Variants in ANKS1B observed in about 807,000 individuals in gnomAD.
The protein encoded by ANKS1B is ankyrin repeat and sterile alpha motif domain-containing protein 1B.
ANKS1B carries 36 observed loss-of-function variants against 148.3 expected under a neutral mutation model. The observed-to-expected ratio is 0.24, with a 90% CI of 0.19 to 0.32. The LOEUF is 0.32. Ranked by LOEUF, ANKS1B falls within the 10% of genes least tolerant of loss-of-function variation. The pLI is 1.00. For missense variants in ANKS1B, 1,157 were observed against 1,542.6 expected, an observed-to-expected ratio of 0.75 and a Z score of 4.19; for synonymous variants, 542 against 560.8, an observed-to-expected ratio of 0.97 and a Z score of 0.47.
chr12:99,894,323 G>GGGAA (rs1345571559), intron 1 of ANKS1B, among the ~76,000 whole-genome samples: 1 of 116,796 alleles, frequency 8.6e-6, no homozygotes, highest in Non-Finnish European at 1.9e-5. Context: ...GAGGGAGGGA[G>GGGAA]GGAGGGAAAG....
chr12:99,172,799 T>C (rs1257857341), intron 14 of ANKS1B, among the ~76,000 whole-genome samples: 1 of 152,194 alleles, frequency 6.6e-6, no homozygotes, highest in Non-Finnish European at 1.5e-5. Context: ...ATTAAAGATG[T>C]TGATAAATAC....
chr12:99,369,791 T>TAGATAGAC lies in ANKS1B; in HGVS notation c.1756+29839_1756+29840insGTCTATCT, dbSNP rs879173702. Among the ~76,000 whole-genome samples, 266 of 148,888 alleles carry TAGATAGAC rather than the reference T, an allele frequency of 1.8e-3. 2 individuals carry two copies. The highest frequency in any genetic ancestry group is 3.2e-3 in the African/African-American group (127 of 40,174). On this transcript the variant is annotated intron_variant, in intron 12 of 26. Coordinates refer to ENST00000683438, the MANE Select transcript of ANKS1B (RefSeq NM_001352186.2). ...ATAGATAGATAGATAGATAGATAGA[T>TAGATAGAC]GGACGGACGGACAGACGGACGGACG... is the stretch of plus-strand genomic sequence containing the variant.
intron 1 of ANKS1B, among the ~76,000 whole-genome samples, chr12:99,883,134 T>C (rs2092622801): frequency 6.6e-6 from 1 of 152,218 alleles, no homozygotes; most frequent in Non-Finnish European, 1.5e-5. Context: ...TCTTTCACCC[T>C]GAGTCATTTA....
intron 12 of ANKS1B, among the ~76,000 whole-genome samples, chr12:99,320,970 C>T (rs538464349): frequency 5.9e-5 from 9 of 152,296 alleles, no homozygotes; most frequent in African/African-American, 2.2e-4. Flanking sequence ...TGGAGGTCCA[C>T]TCCAGACCCT....
At position 99,773,092 on chromosome 12, in the gene ANKS1B, T is replaced by C. The variant is rs1459259795; in HGVS notation, c.962-4A>G. On this transcript the variant is annotated splice_region_variant and splice_polypyrimidine_tract_variant and intron_variant, in intron 7 of 26. Transcript: ENST00000683438. ...AATTCTCCAGTGACGGTTTCACCTA[T>C]GAGAATAATTTTTTCAGAAGTTTCA... The C allele has an allele frequency of 1.9e-6, 3 of 1,589,898 alleles. No individual in the cohort carries two copies. The highest frequency in any genetic ancestry group is 1.4e-5 in the African/African-American group (1 of 73,390).
At chr12:99,506,948 T>C (rs1005408473) in intron 9 of ANKS1B, among the ~76,000 whole-genome samples, 3 of 151,942 alleles carry the variant, frequency 2.0e-5, no homozygotes, top group Admixed American at 6.6e-5. Context: ...CCATGAAGGC[T>C]GGAATTTGTC....
At chr12:99,260,290 C>T (rs2075786876) in intron 12 of ANKS1B, among the ~76,000 whole-genome samples, 1 of 152,286 alleles carries the variant, frequency 6.6e-6, no homozygotes, top group South Asian at 2.1e-4. Flanking sequence ...TTTTTAATTA[C>T]TCTAAAATGA....
chr12:99,463,359 T>C (rs1230638215), intron 10 of ANKS1B, among the ~76,000 whole-genome samples: 1 of 151,780 alleles, frequency 6.6e-6, no homozygotes, highest in African/African-American at 2.4e-5. Context: ...CCAGCATGAG[T>C]GACGCAGAAG....
At chr12:99,546,835 T>C (rs2097176638) in intron 9 of ANKS1B, among the ~76,000 whole-genome samples, 2 of 152,230 alleles carry the variant, frequency 1.3e-5, no homozygotes, top group Admixed American at 1.3e-4. Flanking sequence ...CTCAGTAAGG[T>C]TGGAGAAGTA....
chr12:99,412,565 CTTGTT>C (rs1188242227), intron 11 of ANKS1B, among the ~76,000 whole-genome samples: 2 of 152,166 alleles, frequency 1.3e-5, no homozygotes, highest in Non-Finnish European at 2.9e-5. Flanking sequence ...GCTTTTTCCT[CTTGTT>C]TTGTCTAAAT....
intron 8 of ANKS1B, among the ~76,000 whole-genome samples, chr12:99,734,717 C>T (rs995051241): frequency 1.3e-5 from 2 of 152,160 alleles, no homozygotes; most frequent in Admixed American, 6.5e-5. Context: ...TATCAGCTAT[C>T]TTTACTTTTT....
At chr12:98,948,545 T>C (rs1434307280) in intron 17 of ANKS1B, among the ~76,000 whole-genome samples, 5 of 152,198 alleles carry the variant, frequency 3.3e-5, no homozygotes, top group Admixed American at 2.0e-4. Flanking sequence ...AGATAGGATC[T>C]TTTAAGTCCT....
chr12:99,037,692 T>G (rs1019397527), intron 17 of ANKS1B, among the ~76,000 whole-genome samples: 7 of 152,186 alleles, frequency 4.6e-5, no homozygotes, highest in Admixed American at 4.6e-4. Flanking sequence ...ATTTTGAACA[T>G]CAGGACTAAA....
chr12:99,062,404 G>C lies in ANKS1B; in HGVS notation c.2626-9095C>G, dbSNP rs1473613843. ...CAGAGGTGACTTTGTAGTGTGAGAA[G>C]AGAAGTGGCCTGAGAATGAACCAAC... On this transcript the variant is annotated intron_variant, in intron 16 of 26. Coordinates refer to ENST00000683438, the MANE Select transcript of ANKS1B (RefSeq NM_001352186.2). Among the ~76,000 whole-genome samples, 3 of 152,152 alleles carry C rather than the reference G, an allele frequency of 2.0e-5. No homozygotes were observed. In the East Asian group the frequency reaches 5.8e-4, roughly 29 times the overall value.
At chr12:98,973,842 T>A (rs943210658) in intron 17 of ANKS1B, among the ~76,000 whole-genome samples, 8 of 151,994 alleles carry the variant, frequency 5.3e-5, no homozygotes, top group Non-Finnish European at 7.4e-5. Context: ...CTATCACAGA[T>A]ATATCTATAG....
chr12:99,847,852 C>T (rs959951926), intron 1 of ANKS1B, among the ~76,000 whole-genome samples: 1 of 152,120 alleles, frequency 6.6e-6, no homozygotes, highest in African/African-American at 2.4e-5. Flanking sequence ...GAATAACCGA[C>T]AAATTCAGTC....
intron 1 of ANKS1B, among the ~76,000 whole-genome samples, chr12:99,834,786 C>G (rs922383654): frequency 7.2e-5 from 11 of 152,086 alleles, no homozygotes; most frequent in African/African-American, 2.7e-4. Context: ...TTTATTGATT[C>G]CTATCTGACC....
chr12:98,855,686 A>T (rs901444011), intron 17 of ANKS1B, among the ~76,000 whole-genome samples: 1 of 152,260 alleles, frequency 6.6e-6, no homozygotes, highest in African/African-American at 2.4e-5. Context: ...GGGACTATAC[A>T]AATACATCAT....
At chr12:99,118,465 C>A (rs1429870176) in intron 15 of ANKS1B, among the ~76,000 whole-genome samples, 1 of 152,204 alleles carries the variant, frequency 6.6e-6, no homozygotes, top group Non-Finnish European at 1.5e-5. Flanking sequence ...TTATATAGCA[C>A]CCTTTCCTGA....
Sources: allele counts gnomAD v4.1 joint callset (sites outside exome capture counted in the v4.1 genomes callset), GRCh38; gene constraint gnomAD v4.1.1; transcripts MANE v1.5; gene names NCBI Gene and HGNC (gene_info 2026-07-23, HGNC 2026-07-21).